CNTNAP5: variants seen among roughly 807,000 people sequenced by gnomAD.
CNTNAP5 encodes the protein contactin associated protein family member 5, also known as contactin-associated protein-like 5.
CNTNAP5 carries 72 observed loss-of-function variants against 150.2 expected under a neutral mutation model. The observed-to-expected ratio is 0.48, with a 90% CI of 0.40 to 0.58. CNTNAP5 has a LOEUF of 0.58. Ranked by LOEUF, CNTNAP5 falls within the 20% of genes least tolerant of loss-of-function variation. The probability of loss-of-function intolerance (pLI) is 0.00; values close to 1 mark genes in which losing one functional copy is unlikely to be tolerated. For synonymous variants in CNTNAP5, 672 were observed against 619.8 expected, an observed-to-expected ratio of 1.08 and a Z score of -1.25; for missense variants, 1,636 against 1,626.2, an observed-to-expected ratio of 1.01 and a Z score of -0.10.
intron 1 of CNTNAP5, among the ~76,000 whole-genome samples, chr2:124,053,442 C>T (rs1681761173): frequency 6.6e-6 from 1 of 152,204 alleles, no homozygotes; most frequent in Non-Finnish European, 1.5e-5. Context: ...ACAAAGGTTT[C>T]TGTCTTGAGA....
intron 3 of CNTNAP5, among the ~76,000 whole-genome samples, chr2:124,408,633 C>T (rs564843762): frequency 2.6e-5 from 4 of 151,860 alleles, no homozygotes; most frequent in Non-Finnish European, 4.4e-5. Context: ...CACACTGACA[C>T]CTCACAAGGC....
chr2:124,873,788 G>A (rs993309594), intron 21 of CNTNAP5, among the ~76,000 whole-genome samples: 2 of 152,064 alleles, frequency 1.3e-5, no homozygotes, highest in African/African-American at 2.4e-5. Context: ...ATTTCCAACT[G>A]TAAATCAAAC....
chr2:124,041,691 G>T (rs1444190654), intron 1 of CNTNAP5, among the ~76,000 whole-genome samples: 1 of 152,102 alleles, frequency 6.6e-6, no homozygotes, highest in Admixed American at 6.5e-5. Flanking sequence ...ATAGTGAATA[G>T]AGATCAGAGA....
intron 2 of CNTNAP5, among the ~76,000 whole-genome samples, chr2:124,239,882 T>A (rs978334225): frequency 3.9e-5 from 6 of 152,142 alleles, no homozygotes; most frequent in African/African-American, 4.8e-5. Context: ...GTGAATATGT[T>A]GAGGAAGACA....
At chr2:124,125,053 C>G (rs914006037) in intron 1 of CNTNAP5, among the ~76,000 whole-genome samples, 3 of 152,176 alleles carry the variant, frequency 2.0e-5, no homozygotes, top group African/African-American at 7.2e-5. Context: ...ATCAAATTCA[C>G]ACATAACAAT....
In CNTNAP5 at chr2:124,763,697, T is replaced by C. The variant is rs756906524; in HGVS notation, c.2260T>C (p.Phe754Leu). Residue 754 changes from phenylalanine to leucine, a missense_variant, in exon 15 of 24, where the codon TTC becomes CTC. Physicochemically the swap from Phe to Leu is conservative, Grantham distance 22 (BLOSUM62 0). Coordinates refer to ENST00000682447, the MANE Select transcript of CNTNAP5 (RefSeq NM_001367498.1). Reference sequence around the variant, plus strand: ...GACAAATGATACTGGCTTTCTTTCCTTCAAAGACCACTTGCCTGTCACTCA... The same window carrying C: ...GACAAATGATACTGGCTTTCTTTCCCTCAAAGACCACTTGCCTGTCACTCA... ...EWTNDTGFLSFKDHLPVTQIV... is the reference protein window; with the variant it reads ...EWTNDTGFLSLKDHLPVTQIV... 11 of 1,612,762 alleles carry C rather than the reference T, an allele frequency of 6.8e-6. 1 individual carries two copies. In the South Asian group the frequency reaches 1.2e-4, roughly 18 times the overall value.
intron 3 of CNTNAP5, among the ~76,000 whole-genome samples, chr2:124,367,432 C>T (rs985534841): frequency 4.6e-5 from 7 of 151,516 alleles, no homozygotes; most frequent in African/African-American, 1.7e-4. Flanking sequence ...CTCATGAGAA[C>T]TCACTCACTA....
chr2:124,370,796 T>G (rs1020117905), intron 3 of CNTNAP5, among the ~76,000 whole-genome samples: 5 of 152,134 alleles, frequency 3.3e-5, no homozygotes, highest in Non-Finnish European at 7.4e-5. Flanking sequence ...GGTTCATGGT[T>G]GAAGCCTCTA....
At chr2:124,531,775 G>T (rs1476730374) in intron 10 of CNTNAP5, among the ~76,000 whole-genome samples, 1 of 152,142 alleles carries the variant, frequency 6.6e-6, no homozygotes, top group Non-Finnish European at 1.5e-5. Flanking sequence ...CTGTGTCAGT[G>T]GCTCTAAATG....
Position 124,916,484 on chromosome 2 carries a change from G to A in CNTNAP5, c.*2196G>A, listed in dbSNP as rs1038974636. ...CCATGAAGTGTAGTAGGTTTAGCCT[G>A]AAGCAGCTCCAATAATGAAATAGAA... On this transcript the variant is annotated 3_prime_UTR_variant, in exon 24 of 24. Coordinates refer to ENST00000682447, the MANE Select transcript of CNTNAP5 (RefSeq NM_001367498.1). Among the ~76,000 whole-genome samples, 1 of 152,038 alleles carries A rather than the reference G, an allele frequency of 6.6e-6. No homozygotes were observed. The highest frequency in any genetic ancestry group is 2.4e-5 in the African/African-American group (1 of 41,424).
At chr2:124,614,968 G>A (rs74688098) in intron 12 of CNTNAP5, among the ~76,000 whole-genome samples, 7,369 of 94,880 alleles carry the variant, frequency 0.078, 221 homozygotes, top group South Asian at 0.17. Context: ...TATTAATTGT[G>A]CAATAGCATT....
intron 3 of CNTNAP5, among the ~76,000 whole-genome samples, chr2:124,318,953 A>G (rs1191233422): frequency 6.6e-6 from 1 of 152,210 alleles, no homozygotes; most frequent in African/African-American, 2.4e-5. Context: ...CTAGTTGGGT[A>G]GAACTGGTAA....
intron 10 of CNTNAP5, among the ~76,000 whole-genome samples, chr2:124,559,031 T>C (rs759935925): frequency 1.1e-4 from 17 of 152,220 alleles, no homozygotes; most frequent in Non-Finnish European, 2.4e-4. Context: ...AAATACTTTG[T>C]TTCTTCATAT....
At chr2:124,368,554 A>C (rs1342657509) in intron 3 of CNTNAP5, among the ~76,000 whole-genome samples, 2 of 152,180 alleles carry the variant, frequency 1.3e-5, no homozygotes, top group East Asian at 3.9e-4. Flanking sequence ...TATAATAATA[A>C]AATAATTGGG....
At chr2:124,681,813 C>T (rs895002209) in intron 13 of CNTNAP5, among the ~76,000 whole-genome samples, 5 of 152,144 alleles carry the variant, frequency 3.3e-5, no homozygotes, top group Non-Finnish European at 7.3e-5. Flanking sequence ...CTGCCCGCCT[C>T]GGCCTTCCTA....
At chr2:124,417,414 C>T (rs1438817499) in intron 3 of CNTNAP5, 29 bp from the exon 4 acceptor site, 1 of 1,607,470 alleles carries the variant, frequency 6.2e-7, no homozygotes, top group Admixed American at 1.7e-5. Flanking sequence ...ATAGCACAGA[C>T]CTCACTGCCT....
At chr2:124,170,258 G>GT (rs903587823) in intron 1 of CNTNAP5, among the ~76,000 whole-genome samples, 9 of 27,138 alleles carry the variant, frequency 3.3e-4, no homozygotes, top group East Asian at 1.0e-3. Context: ...ATATGTTTTT[G>GT]TTTTTGTTTT....
intron 12 of CNTNAP5, among the ~76,000 whole-genome samples, chr2:124,613,592 G>T (rs1677432686): frequency 6.6e-6 from 1 of 152,198 alleles, no homozygotes; most frequent in Non-Finnish European, 1.5e-5. Flanking sequence ...AAGATGGACA[G>T]GTTTCCATTG....
At chr2:124,087,569 A>C (rs1199510856) in intron 1 of CNTNAP5, among the ~76,000 whole-genome samples, 1 of 151,762 alleles carries the variant, frequency 6.6e-6, no homozygotes, top group Non-Finnish European at 1.5e-5. Flanking sequence ...TAAAAATACA[A>C]AAATTAGCTG....
Sources: allele counts gnomAD v4.1 joint callset (sites outside exome capture counted in the v4.1 genomes callset), GRCh38; gene constraint gnomAD v4.1.1; transcripts MANE v1.5; gene names NCBI Gene and HGNC (gene_info 2026-07-23, HGNC 2026-07-21).